Variants in PVT1 observed in about 807,000 individuals in gnomAD.
The protein encoded by PVT1 is Pvt1 oncogene, also known as CXCR4/PVT1 fusion.
chr8:127,976,487 GTCC>G (rs1283515240), intron 3 of PVT1, among the ~76,000 whole-genome samples: 2 of 152,160 alleles, frequency 1.3e-5, no homozygotes, highest in Non-Finnish European at 1.5e-5. Flanking sequence ...TAGGGTTATA[GTCC>G]TCCTGCTGAA....
At chr8:127,860,329 G>C (rs1418966414) in intron 2 of PVT1, among the ~76,000 whole-genome samples, 1 of 152,218 alleles carries the variant, frequency 6.6e-6, no homozygotes, top group Non-Finnish European at 1.5e-5. Context: ...CTTCTCGAAG[G>C]CATCTTCAGA....
At chr8:127,842,256 ATTTT>A (rs11347742) in intron 2 of PVT1, among the ~76,000 whole-genome samples, 1 of 140,864 alleles carries the variant, frequency 7.1e-6, no homozygotes. Flanking sequence ...ACTGCTCTGG[ATTTT>A]TTTTTTTTTT....
At chr8:127,986,288 G>A (rs554901245) in intron 3 of PVT1, among the ~76,000 whole-genome samples, 1 of 152,180 alleles carries the variant, frequency 6.6e-6, no homozygotes, top group Admixed American at 6.5e-5. Context: ...GGGAGCCTTG[G>A]AGGTCCTGAG....
intron 3 of PVT1, among the ~76,000 whole-genome samples, chr8:127,981,278 G>A (rs1231305702): frequency 1.3e-5 from 2 of 152,220 alleles, no homozygotes; most frequent in Admixed American, 1.3e-4. Flanking sequence ...CCCTTGTGGG[G>A]AAGGGACTGG....
chr8:127,991,577 C>T (rs190821190), intron 4 of PVT1, among the ~76,000 whole-genome samples: 81 of 152,174 alleles, frequency 5.3e-4, no homozygotes, highest in Admixed American at 5.9e-4. Flanking sequence ...GGGAAAAGGG[C>T]TGATGGGACC....
chr8:127,807,971 T>C (rs1209989820), intron 2 of PVT1, among the ~76,000 whole-genome samples: 2 of 152,048 alleles, frequency 1.3e-5, no homozygotes, highest in Non-Finnish European at 2.9e-5. Flanking sequence ...GGTTTCACTG[T>C]GTTAGCCAGG....
chr8:127,862,208 GA>G (rs1164874377), intron 2 of PVT1, among the ~76,000 whole-genome samples: 1 of 152,170 alleles, frequency 6.6e-6, no homozygotes, highest in Admixed American at 6.5e-5. Flanking sequence ...AGGAGTTCGA[GA>G]CCAGCCTGGC....
Position 127,808,618 on chromosome 8 carries a change from G to A in PVT1, n.372+12547G>A, listed in dbSNP as rs10096857. On this transcript the variant is annotated intron_variant and non_coding_transcript_variant, in intron 2 of 10. Transcript: ENST00000651587. The stretch of plus-strand genomic sequence containing the variant: ...TTTGTTGGGTAGATGGTGGATCAAC[G>A]GAAGCAGGTGGCCCATTTGGGGACT... Among the ~76,000 whole-genome samples, 1,382 of 152,238 alleles carry A rather than the reference G, an allele frequency of 9.1e-3. 13 individuals carry two copies. Among genetic ancestry groups the A allele is most frequent in the African/African-American group, 0.031 (1,282 of 41,528 alleles).
intron 2 of PVT1, among the ~76,000 whole-genome samples, chr8:127,868,110 G>A (rs990923984): frequency 3.9e-5 from 6 of 152,008 alleles, no homozygotes; most frequent in Admixed American, 3.3e-4. Flanking sequence ...CTAGAAGCTA[G>A]GTAACTCTTC....
At chr8:128,080,729 CAATT>C (rs1814164777) in intron 5 of PVT1, among the ~76,000 whole-genome samples, 1 of 152,112 alleles carries the variant, frequency 6.6e-6, no homozygotes, top group African/African-American at 2.4e-5. Context: ...TCCAGGTCAT[CAATT>C]AGTTTTTTCA....
intron 3 of PVT1, among the ~76,000 whole-genome samples, chr8:127,972,444 A>G (rs2129965702): frequency 6.6e-6 from 1 of 152,252 alleles, no homozygotes; most frequent in South Asian, 2.1e-4. Context: ...CTTGAGTTAG[A>G]TGTGCCCCAA....
chr8:127,944,800 T>C (rs1387576244), intron 3 of PVT1, among the ~76,000 whole-genome samples: 1 of 152,088 alleles, frequency 6.6e-6, no homozygotes, highest in Non-Finnish European at 1.5e-5. Flanking sequence ...ATTTGGAAAG[T>C]GGTATCGATG....
At chr8:127,883,655 A>T (rs1425774402) in intron 2 of PVT1, among the ~76,000 whole-genome samples, 1 of 152,072 alleles carries the variant, frequency 6.6e-6, no homozygotes, top group Non-Finnish European at 1.5e-5. Flanking sequence ...TAAAATAAAA[A>T]AAGAATTCCT....
intron 4 of PVT1, among the ~76,000 whole-genome samples, chr8:128,059,616 A>G (rs1214549996): frequency 6.6e-6 from 1 of 152,210 alleles, no homozygotes; most frequent in Non-Finnish European, 1.5e-5. Flanking sequence ...AATGGCAGAG[A>G]TGACGAGGGG....
intron 2 of PVT1, among the ~76,000 whole-genome samples, chr8:127,874,669 A>G: frequency 6.6e-6 from 1 of 152,140 alleles, no homozygotes; most frequent in East Asian, 1.9e-4. Flanking sequence ...AGTGGGTATT[A>G]CCTTTGGCCT....
chr8:128,049,193 G>A (rs955777410), intron 4 of PVT1: 12 of 531,874 alleles, frequency 2.3e-5, no homozygotes, highest in African/African-American at 1.9e-4. Flanking sequence ...GCTGGGTCTG[G>A]TAGTGGGCAT....
chr8:128,062,138 G>A (rs1813839111), intron 4 of PVT1, among the ~76,000 whole-genome samples: 1 of 152,196 alleles, frequency 6.6e-6, no homozygotes, highest in Non-Finnish European at 1.5e-5. Flanking sequence ...TCTCCCAACT[G>A]GTGAATGCCT....
At chr8:127,911,693 C>A (rs191704620) in intron 3 of PVT1, among the ~76,000 whole-genome samples, 1 of 152,248 alleles carries the variant, frequency 6.6e-6, no homozygotes, top group Admixed American at 6.5e-5. Flanking sequence ...AGTCATAGAA[C>A]TAGGGCTTAC....
intron 4 of PVT1, among the ~76,000 whole-genome samples, chr8:128,035,584 G>GC (rs1235489440): frequency 9.2e-5 from 14 of 152,178 alleles, no homozygotes; most frequent in Admixed American, 9.2e-4. Flanking sequence ...CTGGACAGCA[G>GC]CCCCCCAAGA....
Sources: allele counts gnomAD v4.1 joint callset (sites outside exome capture counted in the v4.1 genomes callset), GRCh38; gene constraint gnomAD v4.1.1; transcripts MANE v1.5; gene names NCBI Gene and HGNC (gene_info 2026-07-23, HGNC 2026-07-21).